The following COPB1 variants were observed in gnomAD, a reference collection of about 807,000 sequenced individuals.
COPB1 encodes the protein coatomer subunit beta.
Under a neutral mutation model 108.7 loss-of-function variants are expected in COPB1, and 21 were observed. The ratio of observed to expected loss-of-function variants is 0.19; its 90% CI spans 0.14 to 0.28. The LOEUF is 0.28. Ranked by LOEUF, COPB1 falls within the 10% of genes least tolerant of loss-of-function variation. The pLI is 1.00. For synonymous variants in COPB1, 378 were observed against 386.8 expected (o/e 0.98, Z 0.27); for missense variants, 919 against 1,141.3 (o/e 0.81, Z 2.81).
intron 4 of COPB1, among the ~76,000 whole-genome samples, 173 bp from the exon 5 acceptor site, chr11:14,490,852 C>T (rs1436290665): frequency 7.3e-5 from 11 of 150,206 alleles, no homozygotes; most frequent in African/African-American, 2.2e-4. Flanking sequence ...TGCAGTGGTG[C>T]GATCTCAGCT....
chr11:14,479,623 C>G lies in COPB1; in HGVS notation c.1304G>C (p.Arg435Thr), dbSNP rs1214736037. ...REAIQRFDNLRMLIVEKMLEV... is the reference protein window; with the variant it reads ...REAIQRFDNLTMLIVEKMLEV... ...AAGCATCTTCTCAACAATAAGCATT[C>G]TCAGGTTATCAAAGCGCTGAATGGC... is the stretch of plus-strand genomic sequence containing the variant. The change falls in exon 11 of 22, where the codon AGA becomes ACA. Residue 435 changes from arginine to threonine, a missense_variant. Physicochemically the swap from Arg to Thr is moderately conservative, Grantham distance 71. Around this residue, in one of 5 missense-constraint regions of COPB1, gnomAD observed 705 missense variants for 817.8 expected, o/e 0.86. Transcript: ENST00000439561. The G allele has an allele frequency of 6.2e-7, 1 of 1,613,212 alleles. No homozygotes were observed. The highest frequency in any genetic ancestry group is 2.2e-5 in the East Asian group (1 of 44,864).
At position 14,494,155 on chromosome 11, in the gene COPB1, C is replaced by T. The variant is rs1589969740; in HGVS notation, c.321+55G>A. ...ACAATTAAAACACAGCCCATTCTAC[C>T]AATTTTACATTTAAATTCAAAGCAA... On this transcript the variant is annotated intron_variant, in intron 3 of 21. Transcript: ENST00000439561. The T allele has an allele frequency of 8.9e-5, 111 of 1,244,600 alleles. No homozygotes were observed. In the East Asian group the frequency reaches 2.6e-3, roughly 29 times the overall value. The allele number at this position is 1,244,600 out of a possible 1,614,324, so 77.1% of individuals were successfully genotyped here.
At position 14,490,438 on chromosome 11, in the gene COPB1, T is replaced by C; in HGVS notation, c.606+127A>G. 4 of 518,978 alleles carry C rather than the reference T, an allele frequency of 7.7e-6. No individual in the cohort carries two copies. The South Asian group carries it at 1.6e-4, about 20-fold the overall frequency. The allele number at this position is 518,978 out of a possible 1,614,324, so 32.1% of individuals were successfully genotyped here. A position where few individuals can be genotyped will look rare whatever the true frequency, so the allele number is the denominator to read the frequency against. ...ATGTATTTTTCTACAAGCTTAAAAA[T>C]TTCAAAATACACAAACCACATGAAC... On this transcript the variant is annotated intron_variant, in intron 5 of 21. Coordinates refer to ENST00000439561, the MANE Select transcript of COPB1 (RefSeq NM_001144061.2).
chr11:14,478,731 T>C (rs1478417914), intron 11 of COPB1, among the ~76,000 whole-genome samples: 2 of 151,870 alleles, frequency 1.3e-5, no homozygotes, highest in Non-Finnish European at 2.9e-5. Context: ...GGAATACAAG[T>C]GTGAGCCACC....
intron 14 of COPB1, chr11:14,474,121 G>A (rs1019652702): frequency 1.8e-5 from 3 of 166,576 alleles, no homozygotes; most frequent in Non-Finnish European, 4.0e-5. Flanking sequence ...AATAACTTAA[G>A]AGACATTCTG....
At chr11:14,483,224 C>A in intron 7 of COPB1, 73 bp from the exon 8 acceptor site, 1 of 850,534 alleles carries the variant, frequency 1.2e-6, no homozygotes, top group Non-Finnish European at 1.7e-6. Context: ...CATGCGCGCG[C>A]ACACCACACA....
At position 14,461,351 on chromosome 11, in the gene COPB1, A is replaced by C. The variant is rs1054403987; in HGVS notation, c.2411-20T>G. 4 of 1,605,240 alleles carry C rather than the reference A, an allele frequency of 2.5e-6. No homozygotes were observed. The African/African-American group carries it at 5.4e-5, about 21-fold the overall frequency. ...CATAAACTGCAATTACATATACAAAAAGATTCGCAATCACTGGGGCAAACT... is the reference window on the plus strand; with the variant it reads ...CATAAACTGCAATTACATATACAAACAGATTCGCAATCACTGGGGCAAACT... On this transcript the variant is annotated intron_variant, in intron 18 of 21. Transcript: ENST00000439561.
intron 11 of COPB1, chr11:14,478,957 C>CAAAAAAAAAAAAAAAAAAAAAA (rs35295507): frequency 1.5e-5 from 1 of 68,396 alleles, no homozygotes; most frequent in Non-Finnish European, 2.6e-5. Flanking sequence ...AGCCCTCTCA[C>CAAAAAAAAAAAAAAAAAAAAAA]AAAAAAAAAA....
rs778699016 is a variant in COPB1 at position 14,483,142 on chromosome 11, G to C, written c.847C>G (p.Gln283Glu). Reference sequence around the variant, plus strand: ...TTAATAATTAAATCAATGTAACACTGAGCAGCAGCCTATATAAAAAAAGAA... The same window carrying C: ...TTAATAATTAAATCAATGTAACACTCAGCAGCAGCCTATATAAAAAAAGAA... ...SAPTAIKAAAQCYIDLIIKES... is the reference protein window; with the variant it reads ...SAPTAIKAAAECYIDLIIKES... Residue 283 changes from glutamine to glutamate, a missense_variant, in exon 8 of 22, where the codon CAG becomes GAG. Gln to Glu is a conservative substitution (Grantham distance 29). Transcript: ENST00000439561. 1 of 1,549,770 alleles carries C rather than the reference G, an allele frequency of 6.5e-7. No individual in the cohort carries two copies. The highest frequency in any genetic ancestry group is 8.8e-7 in the Non-Finnish European group (1 of 1,139,800).
chr11:14,490,502 A>G (rs960472072), intron 5 of COPB1, 63 bp downstream of exon 5: 5 of 908,446 alleles, frequency 5.5e-6, no homozygotes, highest in Non-Finnish European at 8.5e-6. Context: ...GATTAAGTCT[A>G]TGTAATACTT....
chr11:14,488,971 A>T (rs1296501032), intron 5 of COPB1, among the ~76,000 whole-genome samples: 1 of 152,172 alleles, frequency 6.6e-6, no homozygotes, highest in East Asian at 1.9e-4. Context: ...TAATATACAG[A>T]ACTACAATGC....
chr11:14,466,548 G>A, intron 16 of COPB1, 122 bp from the exon 17 acceptor site: 53 of 905,600 alleles, frequency 5.9e-5, no homozygotes, highest in South Asian at 2.6e-4. Flanking sequence ...TTTTGAGATA[G>A]GTAAAATAAA....
chr11:14,460,218 G>A lies in COPB1; in HGVS notation c.2636C>T (p.Thr879Ile). Residue 879 changes from threonine to isoleucine, a missense_variant, in exon 20 of 22, where the codon ACT becomes ATT. Thr to Ile is a moderately conservative substitution (Grantham distance 89). This residue lies in a region of COPB1 where 705 missense variants were observed against 817.8 expected (regional missense o/e 0.86). Transcript: ENST00000439561. ...CTAGTCAAATTTTACCTTTTCTGGA[G>A]TCAGGCATTTCATATTGGTTGACTT... Reference protein sequence around the residue: ...ILKSTNMKCLTPEKALSGYCG... With the variant: ...ILKSTNMKCLIPEKALSGYCG... 1 of 1,605,052 alleles carries A rather than the reference G, an allele frequency of 6.2e-7. No individual in the cohort carries two copies. The highest frequency in any genetic ancestry group is 8.5e-7 in the Non-Finnish European group (1 of 1,172,576).
chr11:14,483,292 T>A, intron 7 of COPB1, 141 bp from the exon 8 acceptor site: 2 of 490,040 alleles, frequency 4.1e-6, no homozygotes. Flanking sequence ...CATTAATTAA[T>A]CCCTGTACTA....
At chr11:14,489,616 G>A (rs1850850477) in intron 5 of COPB1, among the ~76,000 whole-genome samples, 1 of 152,234 alleles carries the variant, frequency 6.6e-6, no homozygotes, top group East Asian at 1.9e-4. Context: ...AGTAAAATAA[G>A]CCAGTCACAA....
chr11:14,477,342 A>C (rs954859116), intron 11 of COPB1, among the ~76,000 whole-genome samples: 3 of 134,450 alleles, frequency 2.2e-5, no homozygotes, highest in African/African-American at 8.4e-5. Context: ...GTGAGCCAAG[A>C]TCGCGCCACT....
chr11:14,486,335 T>C, intron 7 of COPB1, 32 bp downstream of exon 7: 3 of 1,612,528 alleles, frequency 1.9e-6, no homozygotes, highest in Non-Finnish European at 8.5e-7. Context: ...AAATCTATCA[T>C]CTAATCTGGC....
At chr11:14,492,104 T>G (rs1297605704) in intron 4 of COPB1, among the ~76,000 whole-genome samples, 1 of 152,216 alleles carries the variant, frequency 6.6e-6, no homozygotes, top group Non-Finnish European at 1.5e-5. Flanking sequence ...TCCTTTCTTC[T>G]GTAAATATAT....
chr11:14,492,323 C>CATTATT (rs970783993), intron 4 of COPB1, among the ~76,000 whole-genome samples: 3 of 151,326 alleles, frequency 2.0e-5, no homozygotes, highest in African/African-American at 4.9e-5. Context: ...ACTCACCCTA[C>CATTATT]ATTATTATTA....
Sources: gnomAD v4.1 joint callset for allele counts (sites outside exome capture counted in the v4.1 genomes callset) on GRCh38, gnomAD v4.1.1 for gene constraint, gnomAD v4.1.1 regional missense constraint, MANE v1.5 for transcripts, NCBI Gene and HGNC (gene_info 2026-07-23, HGNC 2026-07-21) for gene names.